The following APBA2 variants were observed in gnomAD, a reference collection of about 807,000 sequenced individuals.
APBA2 encodes amyloid-beta A4 precursor protein-binding family A member 2.
Under a neutral mutation model 75.0 loss-of-function variants are expected in APBA2, and 30 were observed. The observed-to-expected ratio is 0.40, with a 90% CI of 0.30 to 0.54. The LOEUF (loss-of-function observed/expected upper bound fraction) is 0.54. APBA2 is among the 20% of genes least tolerant of loss of function. The pLI is 0.49. For missense variants in APBA2, 801 were observed against 1,016.1 expected (o/e 0.79, Z 2.88); for synonymous variants, 444 against 409.6 (o/e 1.08, Z -1.01).
chr15:29,041,764 G>C (rs1008982512), intron 3 of APBA2, among the ~76,000 whole-genome samples: 1 of 152,002 alleles, frequency 6.6e-6, no homozygotes, highest in African/African-American at 2.4e-5. Context: ...ATTGATAATG[G>C]GATTCTAAAA....
At chr15:28,886,558 G>C (rs867851865) in intron 1 of APBA2, among the ~76,000 whole-genome samples, 8 of 137,224 alleles carry the variant, frequency 5.8e-5, no homozygotes, top group Non-Finnish European at 1.2e-4. Flanking sequence ...CATCCCGCGC[G>C]GGGGGCACCG....
chr15:28,902,539 G>A (rs1389888247), intron 1 of APBA2, among the ~76,000 whole-genome samples: 2 of 152,156 alleles, frequency 1.3e-5, no homozygotes, highest in Non-Finnish European at 2.9e-5. Context: ...GAAAGAGGGC[G>A]CTAGGGAGAA....
At chr15:28,956,448 C>A (rs1013969797) in intron 2 of APBA2, among the ~76,000 whole-genome samples, 1 of 152,100 alleles carries the variant, frequency 6.6e-6, no homozygotes, top group African/African-American at 2.4e-5. Context: ...CAGGCGACAG[C>A]CGGGTTTTGG....
At position 28,910,512 on chromosome 15, in the gene APBA2, G is replaced by A. The variant is rs557303359; in HGVS notation, c.-204-11128G>A. Among the ~76,000 whole-genome samples the A allele has an allele frequency of 1.7e-4, 26 of 152,334 alleles. 1 individual carries two copies. In the South Asian group the frequency reaches 5.4e-3, roughly 32 times the overall value. On this transcript the variant is annotated intron_variant, in intron 1 of 14. Coordinates refer to ENST00000683413, the MANE Select transcript of APBA2 (RefSeq NM_001353788.2). ...GCAACTTTCAAGGTCTTGTGTCACA[G>A]GAATGAAGATCCGAGTATTTCCCAC...
At chr15:28,986,454 G>A (rs1383843045) in intron 2 of APBA2, among the ~76,000 whole-genome samples, 1 of 152,128 alleles carries the variant, frequency 6.6e-6, no homozygotes, top group Non-Finnish European at 1.5e-5. Context: ...CCTGTACTTA[G>A]CAGGTCACTA....
chr15:29,051,414 G>T (rs1417023114), intron 3 of APBA2, among the ~76,000 whole-genome samples: 1 of 152,132 alleles, frequency 6.6e-6, no homozygotes, highest in Non-Finnish European at 1.5e-5. Context: ...GCTGTGAATT[G>T]CTCCGCATAC....
At chr15:28,895,014 A>G (rs1039067041) in intron 1 of APBA2, among the ~76,000 whole-genome samples, 13 of 152,152 alleles carry the variant, frequency 8.5e-5, no homozygotes. Flanking sequence ...GCCAAGTCCC[A>G]GCCTTGCTAG....
chr15:28,894,475 T>G (rs2032337191), intron 1 of APBA2, among the ~76,000 whole-genome samples: 1 of 152,014 alleles, frequency 6.6e-6, no homozygotes. Flanking sequence ...TTGGGGTGGA[T>G]CATGGACCCC....
chr15:29,038,697 G>A (rs1382215101), intron 3 of APBA2, among the ~76,000 whole-genome samples: 3 of 121,598 alleles, frequency 2.5e-5, no homozygotes, highest in African/African-American at 6.3e-5. Flanking sequence ...TTTCTGAGAC[G>A]AAGTCTCACT....
chr15:29,112,166 T>C (rs1412125452), intron 13 of APBA2, among the ~76,000 whole-genome samples: 2 of 152,174 alleles, frequency 1.3e-5, no homozygotes, highest in African/African-American at 4.8e-5. Flanking sequence ...CTCGGCACCT[T>C]GTATCCCGGG....
chr15:29,058,668 G>C (rs1282936440), intron 4 of APBA2, among the ~76,000 whole-genome samples: 1 of 152,030 alleles, frequency 6.6e-6, no homozygotes, highest in Non-Finnish European at 1.5e-5. Context: ...AGACCAAGAG[G>C]TCTGCCCGGG....
At chr15:29,030,386 C>T (rs1000936282) in intron 3 of APBA2, among the ~76,000 whole-genome samples, 10 of 152,054 alleles carry the variant, frequency 6.6e-5, no homozygotes, top group Middle Eastern at 3.4e-3. Flanking sequence ...GGCGTGAACC[C>T]GGGAGGCGGA....
At chr15:29,114,852 G>A (rs985855869) in intron 14 of APBA2, among the ~76,000 whole-genome samples, 2 of 147,214 alleles carry the variant, frequency 1.4e-5, no homozygotes, top group Non-Finnish European at 3.0e-5. Flanking sequence ...GGGGTGTGTA[G>A]GAGTGCGAGT....
At position 28,922,671 on chromosome 15, in the gene APBA2, C is replaced by T. The variant is rs566874337; in HGVS notation, c.-95+922C>T. Among the ~76,000 whole-genome samples, 3 of 152,252 alleles carry T rather than the reference C, an allele frequency of 2.0e-5. No individual in the cohort carries two copies. In the South Asian group the frequency reaches 6.2e-4, roughly 32 times the overall value. On this transcript the variant is annotated intron_variant, in intron 2 of 14. Coordinates refer to ENST00000683413, the MANE Select transcript of APBA2 (RefSeq NM_001353788.2). Reference sequence around the variant, plus strand: ...ATGACCCTGCTCCCACTGGCCTCCCCATGGTTTCGATCTGTAACCCAGACC... The same window carrying T: ...ATGACCCTGCTCCCACTGGCCTCCCTATGGTTTCGATCTGTAACCCAGACC...
At position 29,053,928 on chromosome 15, in the gene APBA2, A is replaced by T. The variant is rs371009893; in HGVS notation, c.44A>T (p.Asp15Val). ...GAGAGCGTGGGGAGCGGCATGTTGG[A>T]CCATAGGGTGAGACCAGGTCCTGTC... Reference protein sequence around the residue: ...KLESVGSGMLDHRVRPGPVPH... With the variant: ...KLESVGSGMLVHRVRPGPVPH... The change falls in exon 4 of 15, where the codon GAC (aspartate) becomes GTC (valine). Residue 15 changes from aspartate to valine, a missense_variant. Physicochemically the swap from Asp to Val is radical, Grantham distance 152 (BLOSUM62 -3). Transcript: ENST00000683413. The T allele has an allele frequency of 6.2e-7, 1 of 1,613,596 alleles. No homozygotes were observed. The highest frequency in any genetic ancestry group is 1.3e-5 in the African/African-American group (1 of 74,836).
At chr15:29,014,763 C>T (rs2039574048) in intron 3 of APBA2, among the ~76,000 whole-genome samples, 2 of 146,828 alleles carry the variant, frequency 1.4e-5, no homozygotes, top group East Asian at 4.0e-4. Context: ...GGCTGGAGTG[C>T]AGTGGTGCCA....
At position 29,003,658 on chromosome 15, in the gene APBA2, C is replaced by G. The variant is rs550690210; in HGVS notation, c.-41+7852C>G. 2.2e-4 allele frequency among the ~76,000 whole-genome samples: 34 copies of G among 152,352 alleles called. 1 individual carries two copies. The East Asian group carries it at 5.2e-3, about 23-fold the overall frequency. ...TATGAGGAGATACATTGTGAGGAAT[C>G]TGCACACGTGGTTTTGGGACCTGGC... On this transcript the variant is annotated intron_variant, in intron 3 of 14. Transcript: ENST00000683413.
intron 1 of APBA2, among the ~76,000 whole-genome samples, chr15:28,886,805 A>T (rs554950407): frequency 6.6e-6 from 1 of 151,652 alleles, no homozygotes; most frequent in Non-Finnish European, 1.5e-5. Context: ...TCAATTCAAA[A>T]CCCCACACCC....
At chr15:28,996,833 C>A (rs1168812191) in intron 3 of APBA2, among the ~76,000 whole-genome samples, 2 of 152,128 alleles carry the variant, frequency 1.3e-5, no homozygotes, top group Non-Finnish European at 2.9e-5. Flanking sequence ...GGGAACACCC[C>A]CCCTGCCTGA....
Sources: gnomAD v4.1 joint callset for allele counts (sites outside exome capture counted in the v4.1 genomes callset) on GRCh38, gnomAD v4.1.1 for gene constraint, MANE v1.5 for transcripts, NCBI Gene and HGNC (gene_info 2026-07-23, HGNC 2026-07-21) for gene names.